The following NOP58 variants were observed in gnomAD, a reference collection of about 807,000 sequenced individuals.
NOP58 encodes the protein NOP58 ribonucleoprotein, also known as nucleolar protein 58.
A neutral mutation model predicts 71.2 loss-of-function variants in NOP58; 44 were observed. That is an observed-to-expected ratio of 0.62 (90% CI 0.49 to 0.79). The LOEUF (loss-of-function observed/expected upper bound fraction) is 0.79, where lower values mean the gene tolerates loss of function less well. Ranked by LOEUF, NOP58 falls within the 30% of genes least tolerant of loss-of-function variation. The pLI, the probability that NOP58 is intolerant of heterozygous loss-of-function variation, is 0.00. For missense variants in NOP58, 538 were observed against 620.2 expected (o/e 0.87, Z 1.41); for synonymous variants, 228 against 200.3 (o/e 1.14, Z -1.17).
chr2:202,303,004 A>G lies in NOP58; in HGVS notation c.1486A>G (p.Ile496Val). The change falls in exon 14 of 15, where the codon ATT (isoleucine) becomes GTT (valine). Residue 496 changes from isoleucine (I) to valine (V), a missense_variant. By Grantham distance (29) the Ile-to-Val change is conservative (BLOSUM62 3). Coordinates refer to ENST00000264279, the MANE Select transcript of NOP58 (RefSeq NM_015934.5). ...KKKKRGKKKH[I>V]KEEPLSEEEP... ...GAAGAAAAGGGGTAAAAAGAAACAC[A>G]TTAAGGAAGAACCACTTTCTGAGGA... The G allele has an allele frequency of 6.2e-7, 1 of 1,613,080 alleles. No individual in the cohort carries two copies. Among genetic ancestry groups the G allele is most frequent in the South Asian group, 1.1e-5 (1 of 91,008 alleles).
chr2:202,296,285 T>C (rs1422857434), intron 10 of NOP58, among the ~76,000 whole-genome samples: 68 of 152,036 alleles, frequency 4.5e-4, no homozygotes, highest in Admixed American at 4.3e-3. Context: ...AACCTCCAGC[T>C]CCCTGGTTCA....
chr2:202,295,655 TA>T lies in NOP58; in HGVS notation c.908-17del. The stretch of plus-strand genomic sequence containing the variant: ...CATATATTTGGAGGTGCATTCTTTG[TA>T]ACTTTTTTCTTTTGTAGGTTCTCTT... On this transcript the variant is annotated intron_variant, in intron 9 of 14. Transcript: ENST00000264279. 1 of 1,544,844 alleles carries T rather than the reference TA, an allele frequency of 6.5e-7. No individual in the cohort carries two copies. Among genetic ancestry groups the T allele is most frequent in the Non-Finnish European group, 8.7e-7 (1 of 1,145,666 alleles).
chr2:202,295,973 A>C (rs1167800747), intron 10 of NOP58, 136 bp downstream of exon 10: 1 of 631,656 alleles, frequency 1.6e-6, no homozygotes, highest in African/African-American at 1.9e-5. Context: ...TGAGTTATTT[A>C]AATAAAAAGT....
At chr2:202,290,053 C>G (rs1332325657) in intron 6 of NOP58, among the ~76,000 whole-genome samples, 1 of 152,030 alleles carries the variant, frequency 6.6e-6, no homozygotes, top group Non-Finnish European at 1.5e-5. Flanking sequence ...CTCCTGTGTT[C>G]AAGTGATTCT....
intron 1 of NOP58, 47 bp from the exon 2 acceptor site, chr2:202,275,066 C>T (rs753870562): frequency 1.1e-6 from 1 of 895,592 alleles, no homozygotes; most frequent in East Asian, 2.5e-5. Flanking sequence ...GCTGTATATG[C>T]CTCACCTGTA....
rs1688815708 is a variant in NOP58, at chr2:202,287,671, A to G, written c.446A>G (p.Tyr149Cys). 2 of 1,612,112 alleles carry G rather than the reference A, an allele frequency of 1.2e-6. No homozygotes were observed. Among genetic ancestry groups the G allele is most frequent in the Non-Finnish European group, 8.5e-7 (1 of 1,178,354 alleles). The change falls in exon 6 of 15, where the codon TAT becomes TGT. Residue 149 changes from tyrosine to cysteine, a missense_variant. Coordinates refer to ENST00000264279, the MANE Select transcript of NOP58 (RefSeq NM_015934.5). ...CCCTTTCTTCCCAGCCTGTCTCGAT[A>G]TAGATTGAAGTTTAGCGCTGATAAA... is the stretch of plus-strand genomic sequence containing the variant. ...CLGLAHSLSR[Y>C]RLKFSADKVD...
intron 1 of NOP58, among the ~76,000 whole-genome samples, chr2:202,268,460 G>A (rs1226285459): frequency 6.6e-6 from 1 of 151,572 alleles, no homozygotes; most frequent in African/African-American, 2.4e-5. Context: ...GCTTGAACCC[G>A]GGAGGCGGAG....
rs566841179 is a variant in NOP58, at chr2:202,300,192, G to T, written c.1269-42G>T. The T allele has an allele frequency of 3.9e-5, 58 of 1,503,982 alleles. No homozygotes were observed. In the South Asian group the frequency reaches 7.2e-4, roughly 19 times the overall value. 93.2% of individuals were successfully genotyped at this position (1,503,982 alleles called of 1,614,324 possible). A position where few individuals can be genotyped will look rare whatever the true frequency, so the allele number is the denominator to read the frequency against. Reference sequence around the variant, plus strand: ...TCTCTTGAGAATTATTTCAATTCCAGATACTTGTTAGAGATTTTCTAAAAC... The same window carrying T: ...TCTCTTGAGAATTATTTCAATTCCATATACTTGTTAGAGATTTTCTAAAAC... On this transcript the variant is annotated intron_variant, in intron 12 of 14. Transcript: ENST00000264279.
At chr2:202,268,136 A>G (rs1415853969) in intron 1 of NOP58, among the ~76,000 whole-genome samples, 3 of 152,340 alleles carry the variant, frequency 2.0e-5, no homozygotes, top group Admixed American at 2.0e-4. Context: ...AGATACATGT[A>G]AAATTAATAT....
chr2:202,289,115 GTCT>G (rs1250023794), intron 6 of NOP58, among the ~76,000 whole-genome samples: 1 of 151,454 alleles, frequency 6.6e-6, no homozygotes, highest in East Asian at 1.9e-4. Context: ...GTTAGACTCT[GTCT>G]CCAAAAAAAG....
At chr2:202,300,822 C>T (rs1256443104) in intron 13 of NOP58, among the ~76,000 whole-genome samples, 1 of 152,116 alleles carries the variant, frequency 6.6e-6, no homozygotes, top group East Asian at 1.9e-4. Context: ...AGGTGCTCAC[C>T]AGTTAACTAG....
At chr2:202,297,331 G>T in intron 10 of NOP58, 48 bp from the exon 11 acceptor site, 2 of 1,540,694 alleles carry the variant, frequency 1.3e-6, no homozygotes, top group Non-Finnish European at 1.8e-6. Flanking sequence ...AGTTATTGAG[G>T]ATTTTACATC....
chr2:202,266,508 G>T (rs1422361094), intron 1 of NOP58, among the ~76,000 whole-genome samples: 2 of 151,938 alleles, frequency 1.3e-5, no homozygotes, highest in Non-Finnish European at 2.9e-5. Context: ...TAGAGACGGG[G>T]TTTCACCATG....
rs561044050 is a variant in NOP58 at position 202,292,454 on chromosome 2, T to G, written c.781-323T>G. Among the ~76,000 whole-genome samples, 12 of 151,622 alleles carry G rather than the reference T, an allele frequency of 7.9e-5. No individual in the cohort carries two copies. In the East Asian group the frequency reaches 2.2e-3, roughly 27 times the overall value. On this transcript the variant is annotated intron_variant, in intron 8 of 14. Transcript: ENST00000264279. ...GAGATAGAGACCATACTGGCCAACA[T>G]GGTGAAACCCTGTCTCTACTAAAAA... is the stretch of plus-strand genomic sequence containing the variant.
At chr2:202,280,635 ATT>A (rs5837813) in intron 3 of NOP58, among the ~76,000 whole-genome samples, 2 of 146,826 alleles carry the variant, frequency 1.4e-5, no homozygotes, top group African/African-American at 4.9e-5. Context: ...CCTGGCCATC[ATT>A]TTTTTTTTTT....
At chr2:202,274,999 G>A in intron 1 of NOP58, 114 bp from the exon 2 acceptor site, 1 of 492,264 alleles carries the variant, frequency 2.0e-6, no homozygotes, top group Admixed American at 6.0e-5. Flanking sequence ...TTATCTTAGT[G>A]AAAGAAATAG....
intron 6 of NOP58, 88 bp from the exon 7 acceptor site, chr2:202,290,235 C>T: frequency 7.1e-6 from 8 of 1,119,452 alleles, no homozygotes; most frequent in Non-Finnish European, 1.0e-5. Context: ...CCACCGTGCC[C>T]AGCCTGAAGT....
chr2:202,303,437 CAGAA>C lies in NOP58; in HGVS notation c.*4_*7del. The stretch of plus-strand genomic sequence containing the variant: ...AAAAAAGAGAGAGAACGAGGATTAA[CAGAA>C]AGGAATTACGATTATATCACCCGGA... On this transcript the variant is annotated 3_prime_UTR_variant, in exon 15 of 15. Transcript: ENST00000264279. 6.2e-7 allele frequency: 1 copy of C among 1,609,754 alleles called. No homozygotes were observed. Among genetic ancestry groups the C allele is most frequent in the Non-Finnish European group, 8.5e-7 (1 of 1,178,038 alleles).
rs1688755343 is a variant in NOP58 at position 202,284,352 on chromosome 2, T to G, written c.305T>G (p.Leu102Arg). The change falls in exon 5 of 15, where the codon CTG (leucine) becomes CGG (arginine). Residue 102 changes from leucine (L) to arginine (R), a missense_variant. Coordinates refer to ENST00000264279, the MANE Select transcript of NOP58 (RefSeq NM_015934.5). ...ATGTTCATGTTCTTGTAGGAAAAGC[T>G]GAATCTCAGTTGTATCCATAGTCCT... ...AKLGGVIKEK[L>R]NLSCIHSPVV... The G allele has an allele frequency of 6.2e-7, 1 of 1,602,022 alleles. No individual in the cohort carries two copies. Among genetic ancestry groups the G allele is most frequent in the African/African-American group, 1.3e-5 (1 of 74,550 alleles).
Sources: gnomAD v4.1 joint callset for allele counts (sites outside exome capture counted in the v4.1 genomes callset) on GRCh38, gnomAD v4.1.1 for gene constraint, MANE v1.5 for transcripts, NCBI Gene and HGNC (gene_info 2026-07-23, HGNC 2026-07-21) for gene names.